F5: variants seen among roughly 807,000 people sequenced by gnomAD.
F5 encodes the protein coagulation factor V, also known as activated protein c cofactor.
A neutral mutation model predicts 216.4 loss-of-function variants in F5; 138 were observed. The observed-to-expected ratio is 0.64, with a 90% CI of 0.56 to 0.73. The LOEUF (loss-of-function observed/expected upper bound fraction) is 0.73, where lower values mean the gene tolerates loss of function less well. Ranked by LOEUF, F5 falls within the 30% of genes least tolerant of loss-of-function variation. The pLI is 0.00. For missense variants in F5, 2,403 were observed against 2,674.0 expected (o/e 0.90, Z 2.24); for synonymous variants, 916 against 930.7 (o/e 0.98, Z 0.29).
At chr1:169,558,228 T>C (rs545216201) in intron 5 of F5, among the ~76,000 whole-genome samples, 11 of 131,242 alleles carry the variant, frequency 8.4e-5, no homozygotes, top group South Asian at 6.6e-4. Context: ...ACTCAGATTA[T>C]CTAAGGTCGA....
intron 7 of F5, among the ~76,000 whole-genome samples, chr1:169,554,537 T>A (rs1660265962): frequency 6.6e-6 from 1 of 152,250 alleles, no homozygotes. Context: ...ATTTCACCTG[T>A]GAACAAGTGT....
rs1659576888 is a variant in F5, at chr1:169,530,782, C to T, written c.5208+4G>A. The T allele has an allele frequency of 1.2e-6, 2 of 1,613,364 alleles. No individual in the cohort carries two copies. Among genetic ancestry groups the T allele is most frequent in the South Asian group, 1.1e-5 (1 of 91,058 alleles). On this transcript the variant is annotated splice_donor_region_variant and intron_variant, in intron 15 of 24. Transcript: ENST00000367797. Reference sequence around the variant, plus strand: ...TGAGAAAAACTTTCAATGAAAGTACCTACTGGGTTCACAGCTGAGTAGTAG... The same window carrying T: ...TGAGAAAAACTTTCAATGAAAGTACTTACTGGGTTCACAGCTGAGTAGTAG...
At chr1:169,545,974 T>C (rs544148524) in intron 11 of F5, among the ~76,000 whole-genome samples, 2 of 152,362 alleles carry the variant, frequency 1.3e-5, no homozygotes, top group South Asian at 4.1e-4. Flanking sequence ...AATGTCTTCA[T>C]GCATGCCTTT....
At position 169,534,678 on chromosome 1, in the gene F5, A is replaced by AAAAG. The variant is rs568251339; in HGVS notation, c.4971+1824_4971+1827dup. Among the ~76,000 whole-genome samples, 9 of 152,164 alleles carry AAAAG rather than the reference A, an allele frequency of 5.9e-5. No individual in the cohort carries two copies. The East Asian group carries it at 1.7e-3, about 29-fold the overall frequency. The stretch of plus-strand genomic sequence containing the variant: ...GTGAGACTCCATCTCAAAAAAAAAA[A>AAAAG]AAAGAAAGAAAGACAGAAAATACAT... On this transcript the variant is annotated intron_variant, in intron 14 of 24. Transcript: ENST00000367797.
chr1:169,573,002 G>C (rs545867176), intron 2 of F5, among the ~76,000 whole-genome samples: 1 of 151,774 alleles, frequency 6.6e-6, no homozygotes, highest in South Asian at 2.1e-4. Context: ...CTGGAGTGCA[G>C]TGATGCAATC....
At chr1:169,555,097 G>A in intron 7 of F5, 85 bp downstream of exon 7, 1 of 1,489,406 alleles carries the variant, frequency 6.7e-7, no homozygotes, top group Non-Finnish European at 9.4e-7. Context: ...TGAGAGCTGT[G>A]AACTTACATT....
At chr1:169,563,639 TTATAA>T (rs1474591147) in intron 3 of F5, among the ~76,000 whole-genome samples, 7 of 152,122 alleles carry the variant, frequency 4.6e-5, no homozygotes, top group Non-Finnish European at 7.4e-5. Context: ...ATCCTTCAGT[TTATAA>T]TATATTTTTT....
intron 10 of F5, among the ~76,000 whole-genome samples, chr1:169,548,087 A>G (rs570302944): frequency 6.6e-6 from 1 of 152,218 alleles, no homozygotes; most frequent in Non-Finnish European, 1.5e-5. Context: ...AGTTAACGCA[A>G]GAACAGAAAA....
rs901104737 is a variant in F5 at position 169,513,786 on chromosome 1, GT to G, written c.*526del. Among the ~76,000 whole-genome samples, 9 of 152,018 alleles carry G rather than the reference GT, an allele frequency of 5.9e-5. No homozygotes were observed. Among genetic ancestry groups the G allele is most frequent in the African/African-American group, 2.2e-4 (9 of 41,374 alleles). ...GGGGCTACTGGAAAGATGCTTGGCT[GT>G]TTTTTTACTCATGGAAAGTCAGAAA... On this transcript the variant is annotated 3_prime_UTR_variant, in exon 25 of 25. Transcript: ENST00000367797.
Position 169,514,184 on chromosome 1 carries a change from T to G in F5, c.*129A>C. 1.1e-6 allele frequency: 1 copy of G among 949,326 alleles called. No individual in the cohort carries two copies. Among genetic ancestry groups the G allele is most frequent in the Non-Finnish European group, 1.6e-6 (1 of 613,740 alleles). The allele number at this position is 949,326 out of a possible 1,614,324, so 58.8% of individuals were successfully genotyped here. ...TAAAAGCTTCTTGTATAAAATTTTA[T>G]TCACTAATAGAAAAGAAAGAGAAAT... On this transcript the variant is annotated 3_prime_UTR_variant, in exon 25 of 25. Transcript: ENST00000367797.
At chr1:169,533,390 CA>C (rs1268239471) in intron 14 of F5, among the ~76,000 whole-genome samples, 2 of 152,136 alleles carry the variant, frequency 1.3e-5, no homozygotes, top group Non-Finnish European at 2.9e-5. Flanking sequence ...AGCATTTCAA[CA>C]AAAGCAAAAA....
At chr1:169,554,652 A>G (rs1035791612) in intron 7 of F5, among the ~76,000 whole-genome samples, 34 of 152,342 alleles carry the variant, frequency 2.2e-4, no homozygotes, top group African/African-American at 7.9e-4. Flanking sequence ...CCTTTTACCA[A>G]TTTAATCTTC....
chr1:169,563,399 T>C (rs1301966511), intron 3 of F5, among the ~76,000 whole-genome samples: 1 of 152,078 alleles, frequency 6.6e-6, no homozygotes, highest in Non-Finnish European at 1.5e-5. Context: ...AGTCATTATT[T>C]CTTCAAATAC....
chr1:169,521,615 AT>A (rs35651599), intron 21 of F5, among the ~76,000 whole-genome samples: 336 of 106,182 alleles, frequency 3.2e-3, no homozygotes, highest in African/African-American at 8.1e-3. Flanking sequence ...CTGTGAAAAG[AT>A]TTTTTTTTTT....
In F5 at chr1:169,530,949, T is replaced by G. The variant is rs751462892; in HGVS notation, c.5045A>C (p.Glu1682Ala). The G allele has an allele frequency of 6.2e-7, 1 of 1,613,872 alleles. No individual in the cohort carries two copies. Among genetic ancestry groups the G allele is most frequent in the South Asian group, 1.1e-5 (1 of 91,082 alleles). The change falls in exon 15 of 25, where the codon GAG (glutamate) becomes GCG (alanine). Residue 1682 changes from glutamate (E) to alanine (A), a missense_variant. By Grantham distance (107) the Glu-to-Ala change is moderately radical. Around this residue, in one of 4 missense-constraint regions of F5, gnomAD observed 659 missense variants for 787.9 expected, o/e 0.84. Transcript: ENST00000367797. ...AGAGTCATCTTCATAAGTCTTTCCCTCTGATGATTTTTCATAGGAAAGTCC... is the reference window on the plus strand; with the variant it reads ...AGAGTCATCTTCATAAGTCTTTCCCGCTGATGATTTTTCATAGGAAAGTCC... ...AHGLSYEKSS[E>A]GKTYEDDSPE... is the part of the protein sequence containing the mutation.
At chr1:169,565,542 C>A (rs772490655) in intron 3 of F5, among the ~76,000 whole-genome samples, 1 of 152,002 alleles carries the variant, frequency 6.6e-6, no homozygotes, top group Non-Finnish European at 1.5e-5. Flanking sequence ...GTTATGATTG[C>A]GTAATGTTAA....
rs1659058736 is a variant in F5, at chr1:169,512,716, A to C, written c.*1597T>G. ...AGAAAGGAATAGTGGGAATACGAAT[A>C]TTAGAAAGCCAATGTTTTGTGGATG... On this transcript the variant is annotated 3_prime_UTR_variant, in exon 25 of 25. Coordinates refer to ENST00000367797, the MANE Select transcript of F5 (RefSeq NM_000130.5). 6.6e-6 allele frequency among the ~76,000 whole-genome samples: 1 copy of C among 152,130 alleles called. No individual in the cohort carries two copies. The highest frequency in any genetic ancestry group is 6.6e-5 in the Admixed American group (1 of 15,256).
intron 22 of F5, 42 bp downstream of exon 22, chr1:169,520,478 C>A (rs748233101): frequency 1.2e-6 from 2 of 1,612,848 alleles, no homozygotes; most frequent in South Asian, 1.1e-5. Flanking sequence ...AATCTTGATT[C>A]TTTGAGTGGC....
In F5 at chr1:169,555,324, T is replaced by C; in HGVS notation, c.976A>G (p.Ile326Val). Residue 326 changes from isoleucine to valine, a missense_variant, in exon 7 of 25, where the codon ATT becomes GTT. Physicochemically the swap from Ile to Val is conservative, Grantham distance 29. Around this residue, in one of 4 missense-constraint regions of F5, gnomAD observed 1,425 missense variants for 1,554.8 expected, o/e 0.92. Transcript: ENST00000367797. ...CTGGTTTTCTTTGGGCAGTTTTTAA[T>C]GTCAATGTAAGCCTGCATCCCAGCT... The part of the protein sequence containing the change: ...LQAGMQAYID[I>V]KNCPKKTRNL... 3 of 1,614,130 alleles carry C rather than the reference T, an allele frequency of 1.9e-6. No homozygotes were observed. The highest frequency in any genetic ancestry group is 2.5e-6 in the Non-Finnish European group (3 of 1,180,012).
Sources: allele counts gnomAD v4.1 joint callset (sites outside exome capture counted in the v4.1 genomes callset), GRCh38; gene constraint gnomAD v4.1.1; regional missense constraint gnomAD v4.1.1; transcripts MANE v1.5; gene names NCBI Gene and HGNC (gene_info 2026-07-23, HGNC 2026-07-21).